The following CCND3 variants were observed in gnomAD, a reference collection of about 807,000 sequenced individuals.
CCND3 encodes G1/S-specific cyclin-D3.
CCND3 carries 9 observed loss-of-function variants against 28.7 expected under a neutral mutation model. The observed-to-expected ratio is 0.31, with a 90% confidence interval of 0.19 to 0.55. The LOEUF is 0.55. Ranked by LOEUF, CCND3 falls within the 20% of genes least tolerant of loss-of-function variation. The probability of loss-of-function intolerance (pLI) is 0.93; values close to 1 mark genes in which losing one functional copy is unlikely to be tolerated. For missense variants in CCND3, 315 were observed against 385.8 expected, an observed-to-expected ratio of 0.82 and a Z score of 1.54; for synonymous variants, 164 against 163.9, an observed-to-expected ratio of 1.00 and a Z score of 0.00.
At chr6:41,973,431 TA>T (rs1175388682) in intron 1 of CCND3, among the ~76,000 whole-genome samples, 1 of 151,940 alleles carries the variant, frequency 6.6e-6, no homozygotes, top group Non-Finnish European at 1.5e-5. Context: ...GAGGACTCAT[TA>T]AATAATTATA....
At chr6:42,004,990 A>G (rs1436574957) in intron 1 of CCND3, among the ~76,000 whole-genome samples, 1 of 152,218 alleles carries the variant, frequency 6.6e-6, no homozygotes, top group Admixed American at 6.5e-5. Context: ...GAAAGCATCA[A>G]TTCCAATTTT....
At chr6:41,956,464 C>A (rs899469053) in intron 1 of CCND3, among the ~76,000 whole-genome samples, 8 of 152,166 alleles carry the variant, frequency 5.3e-5, no homozygotes, top group African/African-American at 1.7e-4. Flanking sequence ...CTAAGCAAGG[C>A]TGATCCTCAA....
chr6:42,035,189 C>A (rs537080460), intron 1 of CCND3, among the ~76,000 whole-genome samples: 2 of 152,160 alleles, frequency 1.3e-5, no homozygotes, highest in Admixed American at 6.5e-5. Flanking sequence ...CAAACTACAG[C>A]GCAGGGCAAC....
At chr6:42,036,970 G>A (rs1764237766) in intron 1 of CCND3, among the ~76,000 whole-genome samples, 1 of 151,442 alleles carries the variant, frequency 6.6e-6, no homozygotes, top group Non-Finnish European at 1.5e-5. Context: ...ACAGACTCTT[G>A]CTCTGTCACC....
intron 1 of CCND3, among the ~76,000 whole-genome samples, chr6:41,966,934 G>C (rs542440198): frequency 6.6e-6 from 1 of 152,086 alleles, no homozygotes. Flanking sequence ...ACAAGTTGAC[G>C]CAAGTCTCTA....
chr6:41,999,746 C>G (rs1168107516), intron 1 of CCND3, among the ~76,000 whole-genome samples: 1 of 151,914 alleles, frequency 6.6e-6, no homozygotes, highest in Admixed American at 6.6e-5. Flanking sequence ...ATTTAAAAGG[C>G]CGGACATGGT....
At chr6:41,983,140 G>A (rs555473972) in intron 1 of CCND3, among the ~76,000 whole-genome samples, 8 of 152,262 alleles carry the variant, frequency 5.3e-5, no homozygotes, top group African/African-American at 1.9e-4. Context: ...CACTTTGGGA[G>A]GCCAAGGCAG....
chr6:41,979,533 CA>C lies in CCND3; in HGVS notation c.-45-38949del, dbSNP rs767526428. ...TGGGTGACAGAGTGAGACTCCACTT[CA>C]AAAAAAAAAAAAAAAGAAAAATATA... is the stretch of plus-strand genomic sequence containing the variant. On this transcript the variant is annotated intron_variant, in intron 1 of 4. Transcript: ENST00000372988. Among the ~76,000 whole-genome samples, 187 of 96,986 alleles carry C rather than the reference CA, an allele frequency of 1.9e-3. 1 individual carries two copies. The highest frequency in any genetic ancestry group is 0.015 in the South Asian group (44 of 2,994). The allele number at this position is 96,986 out of a possible 152,430, so 63.6% of individuals were successfully genotyped here. A position where few individuals can be genotyped will look rare whatever the true frequency, so the allele number is the denominator to read the frequency against.
At chr6:42,011,211 GGGC>G (rs1763337616) in intron 1 of CCND3, 1 of 152,178 alleles carries the variant, frequency 6.6e-6, no homozygotes, top group African/African-American at 2.4e-5. Flanking sequence ...TCAAACTCCT[GGGC>G]TCAAGCAATT....
Position 41,940,650 on chromosome 6 carries a change from G to A in CCND3, c.199-65C>T, listed in dbSNP as rs1561952242. The A allele has an allele frequency of 2.7e-6, 3 of 1,126,314 alleles. No individual in the cohort carries two copies. The African/African-American group carries it at 4.6e-5, about 17-fold the overall frequency. The allele number at this position is 1,126,314 out of a possible 1,614,324, so 69.8% of individuals were successfully genotyped here. Reference sequence around the variant, plus strand: ...GGGGAACACAGCAGCGGGGGGGTGGGAGCGCTGAAGTGAGGTGGGATAGGG... The same window carrying A: ...GGGGAACACAGCAGCGGGGGGGTGGAAGCGCTGAAGTGAGGTGGGATAGGG... On this transcript the variant is annotated intron_variant, in intron 1 of 4. Coordinates refer to ENST00000372991, the MANE Select transcript of CCND3 (RefSeq NM_001760.5).
intron 1 of CCND3, among the ~76,000 whole-genome samples, chr6:41,947,614 T>C (rs1380869946): frequency 2.0e-5 from 3 of 152,154 alleles, no homozygotes; most frequent in Non-Finnish European, 2.9e-5. Flanking sequence ...ATTTCCAAAA[T>C]CTACTCTTTT....
At chr6:41,989,444 AAC>A (rs550546685) in intron 1 of CCND3, among the ~76,000 whole-genome samples, 150 of 140,108 alleles carry the variant, frequency 1.1e-3, no homozygotes, top group Admixed American at 2.2e-3. Flanking sequence ...ACAAGAGTGA[AAC>A]ACTGTCTCAA....
chr6:41,948,960 A>G (rs1489327698), intron 1 of CCND3, among the ~76,000 whole-genome samples: 1 of 152,238 alleles, frequency 6.6e-6, no homozygotes, highest in Non-Finnish European at 1.5e-5. Context: ...TAGATAGCAC[A>G]TGTCCCATCC....
At chr6:42,009,996 G>A (rs908555698) in intron 1 of CCND3, among the ~76,000 whole-genome samples, 1 of 152,146 alleles carries the variant, frequency 6.6e-6, no homozygotes, top group Non-Finnish European at 1.5e-5. Flanking sequence ...GGCCCTCCAA[G>A]GAATGCAGGC....
chr6:41,974,040 G>A (rs543352469), intron 1 of CCND3, among the ~76,000 whole-genome samples: 1 of 152,154 alleles, frequency 6.6e-6, no homozygotes, highest in Non-Finnish European at 1.5e-5. Flanking sequence ...AAAATTAGCC[G>A]GGTGTGGTGG....
intron 1 of CCND3, among the ~76,000 whole-genome samples, chr6:42,043,979 A>G (rs4516936): frequency 0.63 from 95,810 of 152,102 alleles, 30,612 homozygotes; most frequent in East Asian, 0.89. Flanking sequence ...GAGATGACAC[A>G]GGTGTCATGC....
At chr6:41,957,151 C>G (rs1380296165) in intron 1 of CCND3, among the ~76,000 whole-genome samples, 3 of 152,212 alleles carry the variant, frequency 2.0e-5, no homozygotes, top group Non-Finnish European at 2.9e-5. Flanking sequence ...CGTTGAAAGG[C>G]TGGGCCTATA....
intron 1 of CCND3, among the ~76,000 whole-genome samples, chr6:41,998,408 G>T (rs1208617565): frequency 6.8e-6 from 1 of 148,128 alleles, no homozygotes; most frequent in African/African-American, 2.5e-5. Context: ...AAGTGTGATG[G>T]TGCAATCTCA....
chr6:42,034,390 C>T (rs1214598492), intron 1 of CCND3, among the ~76,000 whole-genome samples: 2 of 151,672 alleles, frequency 1.3e-5, no homozygotes, highest in Non-Finnish European at 2.9e-5. Flanking sequence ...TCAGGTGATC[C>T]ACCCGCCCTG....
Sources: allele counts gnomAD v4.1 joint callset (sites outside exome capture counted in the v4.1 genomes callset), GRCh38; gene constraint gnomAD v4.1.1; transcripts MANE v1.5; gene names NCBI Gene and HGNC (gene_info 2026-07-23, HGNC 2026-07-21).